TMEM163: variants seen among roughly 807,000 people sequenced by gnomAD.
The protein encoded by TMEM163 is transmembrane protein 163.
Under a neutral mutation model 29.3 loss-of-function variants are expected in TMEM163, and 17 were observed. The ratio of observed to expected loss-of-function variants is 0.58; its 90% confidence interval spans 0.40 to 0.87. The LOEUF is 0.87. TMEM163 is among the 40% of genes least tolerant of loss of function. The pLI, the probability that TMEM163 is intolerant of heterozygous loss-of-function variation, is 0.00. For missense variants in TMEM163, 303 were observed against 381.5 expected (o/e 0.79, Z 1.71); for synonymous variants, 157 against 160.6 (o/e 0.98, Z 0.17).
chr2:134,603,091 C>G (rs1036310330), intron 2 of TMEM163, among the ~76,000 whole-genome samples: 1 of 152,108 alleles, frequency 6.6e-6, no homozygotes, highest in African/African-American at 2.4e-5. Context: ...TTCTAGCCAC[C>G]TGAATTACAA....
chr2:134,693,792 C>G (rs1440292260), intron 2 of TMEM163, among the ~76,000 whole-genome samples: 1 of 152,112 alleles, frequency 6.6e-6, no homozygotes, highest in East Asian at 1.9e-4. Context: ...CTGCTTTAAA[C>G]AGGACACCTT....
At chr2:134,595,993 T>C (rs1011508386) in intron 2 of TMEM163, among the ~76,000 whole-genome samples, 1 of 152,206 alleles carries the variant, frequency 6.6e-6, no homozygotes, top group Non-Finnish European at 1.5e-5. Context: ...TTTGAGTTCT[T>C]TGTAGATTCT....
At chr2:134,549,114 A>C (rs950751242) in intron 4 of TMEM163, among the ~76,000 whole-genome samples, 4 of 152,090 alleles carry the variant, frequency 2.6e-5, no homozygotes, top group Non-Finnish European at 4.4e-5. Flanking sequence ...AAAAAAAAAA[A>C]AAAACTAATG....
chr2:134,671,202 G>T (rs575272315), intron 2 of TMEM163, among the ~76,000 whole-genome samples: 2 of 152,282 alleles, frequency 1.3e-5, no homozygotes, highest in East Asian at 3.9e-4. Flanking sequence ...TAGTTCTCAG[G>T]CTCCCAAAGG....
intron 5 of TMEM163, among the ~76,000 whole-genome samples, chr2:134,486,823 G>A (rs1234040791): frequency 6.6e-6 from 1 of 152,150 alleles, no homozygotes; most frequent in African/African-American, 2.4e-5. Flanking sequence ...ATAGTAGGTT[G>A]AGTCCAGCAA....
chr2:134,507,966 C>T (rs1679863498), intron 4 of TMEM163, among the ~76,000 whole-genome samples: 1 of 151,516 alleles, frequency 6.6e-6, no homozygotes, highest in African/African-American at 2.4e-5. Context: ...TTAAAGCCTC[C>T]TTTTTTTTTC....
chr2:134,625,435 C>T (rs1291492621), intron 2 of TMEM163, among the ~76,000 whole-genome samples: 1 of 152,188 alleles, frequency 6.6e-6, no homozygotes, highest in Non-Finnish European at 1.5e-5. Context: ...GATGCACACA[C>T]ATATGTATTG....
At chr2:134,713,450 A>G in intron 1 of TMEM163, 131 bp from the exon 2 acceptor site, 1 of 1,299,654 alleles carries the variant, frequency 7.7e-7, no homozygotes, top group Non-Finnish European at 1.1e-6. Context: ...TTTGGCCCAC[A>G]CTGTGTTTTA....
At chr2:134,714,363 T>C (rs976255068) in intron 1 of TMEM163, among the ~76,000 whole-genome samples, 18 of 152,138 alleles carry the variant, frequency 1.2e-4, no homozygotes, top group African/African-American at 4.1e-4. Context: ...AATGAAGAAA[T>C]TGGTAATGAA....
At chr2:134,666,481 C>T (rs564402700) in intron 2 of TMEM163, among the ~76,000 whole-genome samples, 4 of 152,334 alleles carry the variant, frequency 2.6e-5, no homozygotes, top group South Asian at 2.1e-4. Context: ...GCCTTGAAAG[C>T]GCTTCCGGCT....
intron 4 of TMEM163, among the ~76,000 whole-genome samples, chr2:134,534,380 G>A (rs1182375410): frequency 5.9e-5 from 9 of 152,126 alleles, no homozygotes; most frequent in African/African-American, 1.9e-4. Context: ...CACAGATGCA[G>A]ATGTTGACCT....
intron 4 of TMEM163, among the ~76,000 whole-genome samples, chr2:134,533,539 G>A (rs781652803): frequency 1.6e-4 from 24 of 152,172 alleles, no homozygotes; most frequent in Admixed American, 6.5e-4. Flanking sequence ...CTACAAATAT[G>A]TGCCACTGTT....
chr2:134,540,218 G>A (rs372154481), intron 4 of TMEM163, among the ~76,000 whole-genome samples: 7 of 152,364 alleles, frequency 4.6e-5, no homozygotes, highest in South Asian at 2.1e-4. Context: ...GGCCAGTTAC[G>A]ACTCCTTGAT....
chr2:134,573,749 A>G (rs570088875), intron 2 of TMEM163, among the ~76,000 whole-genome samples: 1 of 152,386 alleles, frequency 6.6e-6, no homozygotes, highest in South Asian at 2.1e-4. Flanking sequence ...CAGTTCCCAT[A>G]AATTTTAGAC....
intron 2 of TMEM163, among the ~76,000 whole-genome samples, chr2:134,692,596 G>A (rs546023914): frequency 6.6e-6 from 1 of 152,288 alleles, no homozygotes; most frequent in African/African-American, 2.4e-5. Context: ...AGGGCTCCCC[G>A]TGGGTTCCAG....
intron 2 of TMEM163, among the ~76,000 whole-genome samples, chr2:134,692,056 G>C (rs2104884208): frequency 6.6e-6 from 1 of 152,156 alleles, no homozygotes; most frequent in East Asian, 1.9e-4. Context: ...AGAGACAGGT[G>C]GAGGGAGATT....
At chr2:134,584,821 T>G (rs842348) in intron 2 of TMEM163, among the ~76,000 whole-genome samples, 46,650 of 152,028 alleles carry the variant, frequency 0.31, 8,329 homozygotes, top group Middle Eastern at 0.66. Context: ...AAGCTTAGCA[T>G]GTAAACTTAG....
intron 5 of TMEM163, among the ~76,000 whole-genome samples, chr2:134,498,412 CA>C (rs1467387502): frequency 3.6e-5 from 5 of 139,356 alleles, no homozygotes; most frequent in Admixed American, 1.6e-4. Flanking sequence ...GGCTGGAGTG[CA>C]ATCTGGTTCA....
At chr2:134,465,406 G>A (rs189088352) in intron 6 of TMEM163, among the ~76,000 whole-genome samples, 19 of 152,252 alleles carry the variant, frequency 1.2e-4, no homozygotes, top group East Asian at 7.7e-4. Context: ...GCCCTTTGAC[G>A]TGACCCCTGG....
Sources: allele counts gnomAD v4.1 joint callset (sites outside exome capture counted in the v4.1 genomes callset), GRCh38; gene constraint gnomAD v4.1.1; transcripts MANE v1.5; gene names NCBI Gene and HGNC (gene_info 2026-07-23, HGNC 2026-07-21).